Variants in NALF1 observed in about 807,000 individuals in gnomAD.
The protein encoded by NALF1 is NALCN channel auxiliary factor 1.
NALF1 carries 3 observed loss-of-function variants against 48.4 expected under a neutral mutation model. The ratio of observed to expected loss-of-function variants is 0.06; its 90% CI spans 0.03 to 0.16. NALF1 has a LOEUF of 0.16. Ranked by LOEUF, NALF1 falls within the 10% of genes least tolerant of loss-of-function variation. The pLI is 1.00. For missense variants in NALF1, 526 were observed against 571.5 expected (o/e 0.92, Z 0.81); for synonymous variants, 262 against 245.7 (o/e 1.07, Z -0.62).
At chr13:107,386,131 T>C (rs1470950863) in intron 1 of NALF1, among the ~76,000 whole-genome samples, 2 of 152,216 alleles carry the variant, frequency 1.3e-5, no homozygotes, top group Non-Finnish European at 1.5e-5. Flanking sequence ...TTCCTTTACA[T>C]GTTTTGTCTT....
intron 1 of NALF1, among the ~76,000 whole-genome samples, chr13:107,388,438 T>C (rs911943062): frequency 6.6e-6 from 1 of 152,196 alleles, no homozygotes; most frequent in African/African-American, 2.4e-5. Context: ...CTGTGTTAGA[T>C]TCTTATTCAT....
chr13:107,503,161 T>G (rs1427318859), intron 1 of NALF1, among the ~76,000 whole-genome samples: 1 of 152,226 alleles, frequency 6.6e-6, no homozygotes, highest in African/African-American at 2.4e-5. Context: ...TCATTCAGTT[T>G]TCCTGCCCAG....
intron 1 of NALF1, among the ~76,000 whole-genome samples, chr13:107,750,582 GAA>G (rs769048095): frequency 1.4e-5 from 2 of 139,318 alleles, no homozygotes; most frequent in African/African-American, 2.7e-5. Context: ...TTATTAACAT[GAA>G]AAAAAAAAAG....
At chr13:107,386,308 C>G (rs1257076826) in intron 1 of NALF1, among the ~76,000 whole-genome samples, 1 of 152,124 alleles carries the variant, frequency 6.6e-6, no homozygotes, top group East Asian at 1.9e-4. Flanking sequence ...TCTTGGTTGA[C>G]TGTAAGTCAA....
chr13:107,323,604 A>T (rs1882297420), intron 1 of NALF1, among the ~76,000 whole-genome samples: 1 of 152,226 alleles, frequency 6.6e-6, no homozygotes, highest in South Asian at 2.1e-4. Flanking sequence ...CTTACCCCCA[A>T]TCAGACTGTG....
intron 1 of NALF1, among the ~76,000 whole-genome samples, chr13:107,685,702 G>C (rs187552126): frequency 1.3e-5 from 2 of 152,302 alleles, no homozygotes; most frequent in South Asian, 4.1e-4. Flanking sequence ...TGAATGGATC[G>C]ATGGATCTCT....
At chr13:107,563,703 C>T (rs642832) in intron 1 of NALF1, among the ~76,000 whole-genome samples, 106,493 of 152,084 alleles carry the variant, frequency 0.7, 37,987 homozygotes, top group East Asian at 0.8. Context: ...TGTGCAGTTA[C>T]AAGGAAATCA....
chr13:107,334,928 C>T (rs1191706631), intron 1 of NALF1, among the ~76,000 whole-genome samples: 1 of 152,042 alleles, frequency 6.6e-6, no homozygotes, highest in African/African-American at 2.4e-5. Flanking sequence ...GGGATAGAGG[C>T]TCATGTTACT....
At chr13:107,258,022 T>A (rs187788945) in intron 1 of NALF1, among the ~76,000 whole-genome samples, 1 of 152,152 alleles carries the variant, frequency 6.6e-6, no homozygotes, top group African/African-American at 2.4e-5. Flanking sequence ...TAAACAAATA[T>A]ATAAGTGAGT....
chr13:107,529,949 G>A (rs980052544), intron 1 of NALF1, among the ~76,000 whole-genome samples: 1 of 151,986 alleles, frequency 6.6e-6, no homozygotes, highest in Non-Finnish European at 1.5e-5. Flanking sequence ...CTCACAATCT[G>A]CCTAAACTGC....
At chr13:107,831,535 A>T (rs1042133433) in intron 1 of NALF1, among the ~76,000 whole-genome samples, 9 of 152,216 alleles carry the variant, frequency 5.9e-5, no homozygotes, top group Non-Finnish European at 1.0e-4. Context: ...AAAAAAAGAA[A>T]AAAAAAGACA....
intron 1 of NALF1, among the ~76,000 whole-genome samples, chr13:107,770,080 T>C (rs916551324): frequency 9.9e-5 from 15 of 152,002 alleles, no homozygotes; most frequent in African/African-American, 3.6e-4. Context: ...GCCCGGCTAA[T>C]TTTTTGTATT....
At chr13:107,465,364 T>C (rs1884984739) in intron 1 of NALF1, among the ~76,000 whole-genome samples, 1 of 151,982 alleles carries the variant, frequency 6.6e-6, no homozygotes, top group Non-Finnish European at 1.5e-5. Context: ...TGCCTAGCAT[T>C]CTTTATAAAT....
At chr13:107,190,390 G>T (rs1879256903) in intron 2 of NALF1, among the ~76,000 whole-genome samples, 1 of 152,136 alleles carries the variant, frequency 6.6e-6, no homozygotes, top group African/African-American at 2.4e-5. Flanking sequence ...CGCATACACA[G>T]AACAAGCTAA....
intron 1 of NALF1, among the ~76,000 whole-genome samples, chr13:107,330,417 A>G (rs901748857): frequency 6.6e-6 from 1 of 152,182 alleles, no homozygotes; most frequent in Non-Finnish European, 1.5e-5. Flanking sequence ...CTTATTATGA[A>G]ATTGTGGGGA....
At chr13:107,601,963 G>C (rs1487512409) in intron 1 of NALF1, among the ~76,000 whole-genome samples, 1 of 151,400 alleles carries the variant, frequency 6.6e-6, no homozygotes, top group Non-Finnish European at 1.5e-5. Context: ...GTTTTAATGC[G>C]ACAAATTTCC....
chr13:107,431,651 G>A (rs1418966982), intron 1 of NALF1, among the ~76,000 whole-genome samples: 1 of 152,138 alleles, frequency 6.6e-6, no homozygotes, highest in Non-Finnish European at 1.5e-5. Flanking sequence ...CATGGTCTGG[G>A]CACCCAGGAC....
At chr13:107,363,643 A>T (rs953442565) in intron 1 of NALF1, among the ~76,000 whole-genome samples, 14 of 152,314 alleles carry the variant, frequency 9.2e-5, no homozygotes, top group East Asian at 7.7e-4. Context: ...TTAATTTTTT[A>T]AAAGAAGAGT....
At chr13:107,452,877 T>C (rs1333710945) in intron 1 of NALF1, among the ~76,000 whole-genome samples, 4 of 152,162 alleles carry the variant, frequency 2.6e-5, no homozygotes, top group Non-Finnish European at 5.9e-5. Context: ...TGAGAGACAT[T>C]GGCCAAAACA....
Sources: gnomAD v4.1 joint callset for allele counts (sites outside exome capture counted in the v4.1 genomes callset) on GRCh38, gnomAD v4.1.1 for gene constraint, MANE v1.5 for transcripts, NCBI Gene and HGNC (gene_info 2026-07-23, HGNC 2026-07-21) for gene names.